COCH: variants seen among roughly 807,000 people sequenced by gnomAD.
COCH encodes coagulation factor C homolog, cochlin (Limulus polyphemus).
A neutral mutation model predicts 54.8 loss-of-function variants in COCH; 40 were observed. The ratio of observed to expected loss-of-function variants is 0.73; its 90% CI spans 0.57 to 0.95. The LOEUF (loss-of-function observed/expected upper bound fraction) is 0.95. COCH is among the 40% of genes least tolerant of loss of function. The pLI is 0.00. For missense variants in COCH, 605 were observed against 675.0 expected, an observed-to-expected ratio of 0.90 and a Z score of 1.15; for synonymous variants, 256 against 237.9, an observed-to-expected ratio of 1.08 and a Z score of -0.70.
chr14:30,884,679 G>C, intron 9 of COCH, 23 bp downstream of exon 9: 1 of 1,504,732 alleles, frequency 6.6e-7, no homozygotes, highest in East Asian at 2.3e-5. Flanking sequence ...TGATACCTGG[G>C]ATGTAACATA....
intron 8 of COCH, 167 bp from the exon 9 acceptor site, chr14:30,884,386 C>A (rs1895711236): frequency 6.6e-6 from 4 of 609,220 alleles, no homozygotes; most frequent in Non-Finnish European, 8.7e-6. Context: ...TCTGAAATAT[C>A]TCCAATAATT....
chr14:30,881,439 T>C (rs1895583528), intron 8 of COCH, among the ~76,000 whole-genome samples: 1 of 152,120 alleles, frequency 6.6e-6, no homozygotes, highest in Non-Finnish European at 1.5e-5. Flanking sequence ...TAGAAAACTG[T>C]GTGCTATCTA....
In COCH at chr14:30,877,309, C is replaced by G. The variant is rs1054744050; in HGVS notation, c.83-263C>G. ...GCCTAGCTTGGGCAACTTGGCGAGT[C>G]CCCATTTCAAAAACAAAAACGAAAT... On this transcript the variant is annotated intron_variant, in intron 3 of 11. Transcript: ENST00000396618. This position sits in a 1 kb window ranked among gnomAD's most constrained non-coding sequence, Gnocchi z 8.6. 2.4e-6 allele frequency: 1 copy of G among 421,392 alleles called. No homozygotes were observed. The highest frequency in any genetic ancestry group is 2.1e-5 in the African/African-American group (1 of 48,670). The allele number at this position is 421,392 out of a possible 1,614,324, so 26.1% of individuals were successfully genotyped here.
intron 11 of COCH, among the ~76,000 whole-genome samples, 198 bp downstream of exon 11, chr14:30,886,510 G>A (rs1189558402): frequency 1.3e-5 from 2 of 152,182 alleles, no homozygotes; most frequent in Admixed American, 6.5e-5. Flanking sequence ...TCTAGTAAGT[G>A]GCAAGGCCAA....
chr14:30,887,426 TC>T (rs1357721618), intron 11 of COCH, among the ~76,000 whole-genome samples: 1 of 151,008 alleles, frequency 6.6e-6, no homozygotes, highest in African/African-American at 2.4e-5. Flanking sequence ...AAAAACTTTT[TC>T]CCCCCCGCTT....
chr14:30,877,906 G>C lies in COCH; in HGVS notation c.239+178G>C, dbSNP rs1024263677. 8.5e-5 allele frequency among the ~76,000 whole-genome samples: 13 copies of C among 152,164 alleles called. No individual in the cohort carries two copies. The highest frequency in any genetic ancestry group is 2.9e-4 in the African/African-American group (12 of 41,436). On this transcript the variant is annotated intron_variant, in intron 4 of 11. Coordinates refer to ENST00000396618, the MANE Select transcript of COCH (RefSeq NM_004086.3). This position sits in a 1 kb window ranked among gnomAD's most constrained non-coding sequence, Gnocchi z 8.6. ...ATACTTGAAACACCAAATACACATG[G>C]AAAGCTTTCTGACAAAAGGCAAATA...
chr14:30,893,308 G>A (rs1048740718), downstream of COCH, among the ~76,000 whole-genome samples: 12 of 151,806 alleles, frequency 7.9e-5, no homozygotes, highest in African/African-American at 1.2e-4. Flanking sequence ...CACCACGCCC[G>A]GCTAATTTTG....
intron 3 of COCH, 54 bp downstream of exon 3, chr14:30,875,157 G>T: frequency 6.5e-7 from 1 of 1,540,846 alleles, no homozygotes. Flanking sequence ...GAGCACCAGC[G>T]GGTACAAGCG....
intron 8 of COCH, among the ~76,000 whole-genome samples, chr14:30,883,721 GT>G (rs1895689454): frequency 6.6e-6 from 1 of 152,112 alleles, no homozygotes; most frequent in Non-Finnish European, 1.5e-5. Context: ...ACAACAGATT[GT>G]GCTGTGGTTG....
chr14:30,881,032 A>G (rs1278092566), intron 8 of COCH, among the ~76,000 whole-genome samples: 1 of 152,080 alleles, frequency 6.6e-6, no homozygotes, highest in African/African-American at 2.4e-5. Flanking sequence ...TCTGGCCAAC[A>G]TGTGAAACAC....
chr14:30,892,528 G>A (rs760046903), downstream of COCH, among the ~76,000 whole-genome samples: 1 of 152,190 alleles, frequency 6.6e-6, no homozygotes, highest in African/African-American at 2.4e-5. Context: ...TGCTGGGCAC[G>A]GTGGCTCACG....
intron 11 of COCH, 125 bp downstream of exon 11, chr14:30,886,437 G>C: frequency 9.9e-7 from 1 of 1,007,718 alleles, no homozygotes; most frequent in Non-Finnish European, 1.5e-6. Context: ...AATATTAACT[G>C]TTAAAGCAGC....
chr14:30,875,205 C>T (rs1594367615), intron 3 of COCH, 102 bp downstream of exon 3: 3 of 1,462,514 alleles, frequency 2.1e-6, no homozygotes, highest in Non-Finnish European at 2.8e-6. Context: ...AGCCCTACCG[C>T]CTGAGGAGGA....
In COCH at chr14:30,885,431, G is replaced by A. The variant is rs772516874; in HGVS notation, c.771G>A (p.Thr257=). The A allele has an allele frequency of 4.8e-5, 78 of 1,613,994 alleles. No homozygotes were observed. Among genetic ancestry groups the A allele is most frequent in the Admixed American group, 1.5e-4 (9 of 60,006 alleles). Residue 257 remains threonine, a synonymous_variant, in exon 10 of 12, where the codon ACG becomes ACA. Transcript: ENST00000396618. ...AGCATACTGCTCAGAAATTCTTCAC[G>A]GTAGATGCTGGAGTAAGAAAAGGGA... ...ALKHTAQKFF[T]VDAGVRKGIP...
intron 11 of COCH, chr14:30,889,267 T>A (rs1261863684): frequency 3.9e-6 from 1 of 257,052 alleles, no homozygotes; most frequent in Non-Finnish European, 7.6e-6. Flanking sequence ...TGTAGGATTT[T>A]AAAAAAGATA....
At chr14:30,876,710 T>C (rs1294896345) in intron 3 of COCH, among the ~76,000 whole-genome samples, 2 of 152,226 alleles carry the variant, frequency 1.3e-5, no homozygotes, top group African/African-American at 2.4e-5. Context: ...CACATGTCTA[T>C]GAAAATGTTC....
Position 30,889,679 on chromosome 14 carries a change from C to G in COCH, c.1541C>G (p.Ser514Cys). 3 of 1,613,044 alleles carry G rather than the reference C, an allele frequency of 1.9e-6. No individual in the cohort carries two copies. Among genetic ancestry groups the G allele is most frequent in the Non-Finnish European group, 2.5e-6 (3 of 1,179,696 alleles). Residue 514 changes from serine (S) to cysteine (C), a missense_variant, in exon 12 of 12, where the codon TCT becomes TGT. Ser to Cys is a moderately radical substitution (Grantham distance 112). Coordinates refer to ENST00000396618, the MANE Select transcript of COCH (RefSeq NM_004086.3). ...APLDDLKDMASKPKESHAFFT... is the reference protein window; with the variant it reads ...APLDDLKDMACKPKESHAFFT... The stretch of plus-strand genomic sequence containing the variant: ...CTGGATGACCTGAAAGATATGGCTT[C>G]TAAACCGAAGGAGTCTCATGCTTTC...
At position 30,890,562 on chromosome 14, in the gene COCH, G is replaced by GA. The variant is rs1895948191; in HGVS notation, c.*777dup. 1.0e-6 allele frequency: 1 copy of GA among 966,284 alleles called. No individual in the cohort carries two copies. Among genetic ancestry groups the GA allele is most frequent in the Non-Finnish European group, 1.2e-6 (1 of 812,210 alleles). The allele number at this position is 966,284 out of a possible 1,614,324, so 59.9% of individuals were successfully genotyped here. A position where few individuals can be genotyped will look rare whatever the true frequency, so the allele number is the denominator to read the frequency against. On this transcript the variant is annotated 3_prime_UTR_variant, in exon 12 of 12. Coordinates refer to ENST00000396618, the MANE Select transcript of COCH (RefSeq NM_004086.3). ...GACAAAGACATTTCAAATAACTGCA[G>GA]AAAAAATATTGTAGTTTGAATATTT...
chr14:30,895,407 T>C, downstream of COCH: 1 of 1,590,904 alleles, frequency 6.3e-7, no homozygotes, highest in Non-Finnish European at 8.6e-7. Flanking sequence ...AAGTTTTTGT[T>C]GATTCATACA....
Sources: gnomAD v4.1 joint callset for allele counts (sites outside exome capture counted in the v4.1 genomes callset) on GRCh38, gnomAD v4.1.1 for gene constraint, Gnocchi (gnomAD v3.1) non-coding constraint, MANE v1.5 for transcripts, NCBI Gene and HGNC (gene_info 2026-07-23, HGNC 2026-07-21) for gene names.